Variants in LRRC20 observed in about 807,000 individuals in gnomAD.
The protein encoded by LRRC20 is leucine rich repeat containing 20, also known as leucine-rich repeat-containing protein 20.
In LRRC20, 11 loss-of-function variants were observed where a neutral mutation model predicts 14.4. The observed-to-expected ratio is 0.77, with a 90% CI of 0.48 to 1.27. The LOEUF (loss-of-function observed/expected upper bound fraction) is 1.27, where lower values mean the gene tolerates loss of function less well. Ranked by LOEUF, LRRC20 falls within the 50% of genes most tolerant of loss-of-function variation. The pLI, the probability that LRRC20 is intolerant of heterozygous loss-of-function variation, is 0.00. For missense variants in LRRC20, 219 were observed against 251.2 expected, an observed-to-expected ratio of 0.87 and a Z score of 0.87; for synonymous variants, 121 against 107.3, an observed-to-expected ratio of 1.13 and a Z score of -0.79.
At chr10:70,353,649 C>T (rs1206549556) in intron 2 of LRRC20, among the ~76,000 whole-genome samples, 1 of 152,138 alleles carries the variant, frequency 6.6e-6, no homozygotes. Flanking sequence ...AACTCCTGAC[C>T]TCAGATGATC....
intron 3 of LRRC20, among the ~76,000 whole-genome samples, chr10:70,336,698 G>A (rs182098396): frequency 6.6e-6 from 1 of 152,298 alleles, no homozygotes; most frequent in Admixed American, 6.5e-5. Flanking sequence ...CTGCCTTTGA[G>A]TCTCTGCCAA....
intron 3 of LRRC20, among the ~76,000 whole-genome samples, chr10:70,335,977 C>G (rs1487702547): frequency 1.3e-5 from 2 of 152,212 alleles, no homozygotes; most frequent in Non-Finnish European, 2.9e-5. Flanking sequence ...TCTGCTGCAC[C>G]GCCCCTCACA....
At chr10:70,327,613 G>A (rs1026636554) in intron 3 of LRRC20, among the ~76,000 whole-genome samples, 2 of 151,686 alleles carry the variant, frequency 1.3e-5, no homozygotes, top group African/African-American at 2.4e-5. Context: ...GATAACTAAC[G>A]CTTATTACTA....
Position 70,300,841 on chromosome 10 carries a change from G to C in LRRC20, c.*513C>G. 1.0e-6 allele frequency: 1 copy of C among 986,090 alleles called. No individual in the cohort carries two copies. The highest frequency in any genetic ancestry group is 1.2e-6 in the Non-Finnish European group (1 of 830,434). The allele number at this position is 986,090 out of a possible 1,614,324, so 61.1% of individuals were successfully genotyped here. A position where few individuals can be genotyped will look rare whatever the true frequency, so the allele number is the denominator to read the frequency against. On this transcript the variant is annotated 3_prime_UTR_variant, in exon 5 of 5. Coordinates refer to ENST00000446961, the MANE Select transcript of LRRC20 (RefSeq NM_001278212.2). Reference sequence around the variant, plus strand: ...AGGACTGAAGACTGGGCCCTGCAGAGGGCCGCATCCAGGTCAGTTCTCAGG... The same window carrying C: ...AGGACTGAAGACTGGGCCCTGCAGACGGCCGCATCCAGGTCAGTTCTCAGG...
chr10:70,372,696 C>G (rs1350835003), intron 2 of LRRC20, among the ~76,000 whole-genome samples: 3 of 152,136 alleles, frequency 2.0e-5, no homozygotes, highest in Admixed American at 6.5e-5. Context: ...CCCGCCTCGG[C>G]CACCCAAAGT....
intron 2 of LRRC20, among the ~76,000 whole-genome samples, chr10:70,345,902 G>A (rs1483058972): frequency 6.6e-6 from 1 of 151,988 alleles, no homozygotes; most frequent in Non-Finnish European, 1.5e-5. Context: ...AATCCCCAAG[G>A]TTGGAGGATC....
At chr10:70,307,000 A>G (rs928211449) in intron 4 of LRRC20, among the ~76,000 whole-genome samples, 2 of 152,168 alleles carry the variant, frequency 1.3e-5, no homozygotes, top group Admixed American at 6.5e-5. Flanking sequence ...TGGCTCCTGT[A>G]TCTTTTGACA....
intron 2 of LRRC20, among the ~76,000 whole-genome samples, chr10:70,361,778 T>A (rs563148951): frequency 6.7e-6 from 1 of 148,482 alleles, no homozygotes; most frequent in Non-Finnish European, 1.5e-5. Context: ...AATACACATC[T>A]GCCGGAGTGA....
intron 1 of LRRC20, among the ~76,000 whole-genome samples, chr10:70,379,295 G>A (rs186025351): frequency 2.6e-5 from 4 of 152,282 alleles, no homozygotes; most frequent in Admixed American, 1.3e-4. Context: ...ATGCTGCCTC[G>A]AAGACCGTAC....
At chr10:70,311,222 A>ATT (rs11314061) in intron 4 of LRRC20, among the ~76,000 whole-genome samples, 1,805 of 86,256 alleles carry the variant, frequency 0.021, 100 homozygotes, top group African/African-American at 0.062. Context: ...TCAACATTCC[A>ATT]TTTTTTTTTT....
At chr10:70,308,130 T>C (rs1034648761) in intron 4 of LRRC20, among the ~76,000 whole-genome samples, 2 of 152,080 alleles carry the variant, frequency 1.3e-5, no homozygotes, top group Non-Finnish European at 1.5e-5. Flanking sequence ...CCACCACTCA[T>C]AGAAGGCCAA....
At chr10:70,336,566 A>G (rs764544542) in intron 3 of LRRC20, among the ~76,000 whole-genome samples, 1 of 152,216 alleles carries the variant, frequency 6.6e-6, no homozygotes, top group Non-Finnish European at 1.5e-5. Context: ...CCAACAAAAG[A>G]AAGCCAATAT....
At chr10:70,378,922 G>A (rs1384376232) in intron 1 of LRRC20, among the ~76,000 whole-genome samples, 1 of 152,106 alleles carries the variant, frequency 6.6e-6, no homozygotes, top group Non-Finnish European at 1.5e-5. Context: ...CTCCAGCCTG[G>A]GTGACAAGAG....
intron 1 of LRRC20, chr10:70,376,860 AC>A: frequency 3.0e-6 from 1 of 337,308 alleles, no homozygotes; most frequent in Non-Finnish European, 5.6e-6. Flanking sequence ...AGACATGGGG[AC>A]CAGGTCTGAG....
intron 4 of LRRC20, among the ~76,000 whole-genome samples, chr10:70,314,393 C>T (rs552411045): frequency 3.0e-4 from 45 of 152,316 alleles, no homozygotes; most frequent in South Asian, 6.2e-4. Flanking sequence ...ATTCTAACCT[C>T]TAAATTCTCA....
intron 2 of LRRC20, among the ~76,000 whole-genome samples, chr10:70,348,485 T>C (rs1481054806): frequency 6.6e-6 from 1 of 152,206 alleles, no homozygotes; most frequent in Non-Finnish European, 1.5e-5. Context: ...CTATTTCACA[T>C]GTGCTATGTA....
chr10:70,380,411 A>G (rs1231165773), intron 1 of LRRC20, among the ~76,000 whole-genome samples: 1 of 152,222 alleles, frequency 6.6e-6, no homozygotes, highest in Non-Finnish European at 1.5e-5. Flanking sequence ...TTTCTCCACA[A>G]GGAAGAATTG....
intron 1 of LRRC20, 128 bp from the exon 2 acceptor site, chr10:70,376,724 C>T: frequency 1.7e-6 from 1 of 595,346 alleles, no homozygotes; most frequent in South Asian, 2.0e-5. Flanking sequence ...CCCCAGGCCA[C>T]TCACCTCCTC....
At chr10:70,373,557 T>G (rs1056468213) in intron 2 of LRRC20, among the ~76,000 whole-genome samples, 3 of 152,230 alleles carry the variant, frequency 2.0e-5, no homozygotes, top group Admixed American at 2.0e-4. Flanking sequence ...AGGTGCCTAC[T>G]ATGGCCAGGT....
Sources: gnomAD v4.1 joint callset for allele counts (sites outside exome capture counted in the v4.1 genomes callset) on GRCh38, gnomAD v4.1.1 for gene constraint, MANE v1.5 for transcripts, NCBI Gene and HGNC (gene_info 2026-07-23, HGNC 2026-07-21) for gene names.